Variants in COL4A4 observed in about 807,000 individuals in gnomAD.
The protein encoded by COL4A4 is collagen type IV alpha 4 chain.
Under a neutral mutation model 192.9 loss-of-function variants are expected in COL4A4, and 105 were observed. That is an observed-to-expected ratio of 0.54 (90% CI 0.46 to 0.64). COL4A4 has a LOEUF of 0.64. Among genes scored for constraint, COL4A4 ranks in the 30% least tolerant of loss-of-function variants. COL4A4 has a pLI of 0.00. For synonymous variants in COL4A4, 762 were observed against 769.9 expected (o/e 0.99, Z 0.17); for missense variants, 1,967 against 2,169.3 (o/e 0.91, Z 1.85).
chr2:227,065,304 G>T (rs1020328747), intron 25 of COL4A4, among the ~76,000 whole-genome samples: 1 of 152,260 alleles, frequency 6.6e-6, no homozygotes, highest in Non-Finnish European at 1.5e-5. Flanking sequence ...GCTGGGGGAG[G>T]GGCGCCCGCC....
At chr2:227,052,052 G>A (rs889891748) in intron 32 of COL4A4, among the ~76,000 whole-genome samples, 4 of 152,140 alleles carry the variant, frequency 2.6e-5, no homozygotes, top group South Asian at 2.1e-4. Context: ...TTAGCCAGGC[G>A]TGGTGGCATG....
chr2:227,049,759 C>T (rs1559497707), intron 34 of COL4A4, among the ~76,000 whole-genome samples: 1 of 152,206 alleles, frequency 6.6e-6, no homozygotes, highest in Non-Finnish European at 1.5e-5. Flanking sequence ...TGACATGGAT[C>T]TGTTCTCCTT....
At position 227,022,932 on chromosome 2, in the gene COL4A4, GGTTT is replaced by G. The variant is rs200731159; in HGVS notation, c.4091-763_4091-760del. ...TGGGACCCGGGTGTCAGTAGTTTTT[GGTTT>G]GTTTGTTTGTTTAACTCCCACGATG... On this transcript the variant is annotated intron_variant, in intron 43 of 47. Transcript: ENST00000396625. 6.9e-3 allele frequency among the ~76,000 whole-genome samples: 1,043 copies of G among 152,176 alleles called. 13 individuals are homozygous for G. Among genetic ancestry groups the G allele is most frequent in the African/African-American group, 0.024 (1,004 of 41,522 alleles).
intron 1 of COL4A4, among the ~76,000 whole-genome samples, chr2:227,147,893 A>G (rs1419760956): frequency 2.0e-5 from 3 of 150,962 alleles, no homozygotes; most frequent in Non-Finnish European, 4.4e-5. Flanking sequence ...TCATTTTGCT[A>G]TGTGGAATTT....
intron 43 of COL4A4, among the ~76,000 whole-genome samples, chr2:227,023,257 A>C (rs1302524020): frequency 6.6e-6 from 1 of 151,320 alleles, no homozygotes; most frequent in African/African-American, 2.4e-5. Context: ...CCTGGCCAAC[A>C]TGGTGAAACC....
downstream of COL4A4, among the ~76,000 whole-genome samples, chr2:226,999,574 T>A (rs1014243822): frequency 3.3e-5 from 5 of 152,216 alleles, no homozygotes; most frequent in Admixed American, 3.3e-4. Context: ...GAGAGAATGA[T>A]CTTAACATCT....
intron 4 of COL4A4, among the ~76,000 whole-genome samples, chr2:227,130,976 G>C (rs1452122412): frequency 6.6e-6 from 1 of 151,672 alleles, no homozygotes; most frequent in African/African-American, 2.4e-5. Context: ...CTTCCCACCT[G>C]CATGACTGCA....
intron 4 of COL4A4, among the ~76,000 whole-genome samples, chr2:227,139,824 C>G (rs2063079532): frequency 6.6e-6 from 1 of 152,126 alleles, no homozygotes; most frequent in Non-Finnish European, 1.5e-5. Flanking sequence ...TTTTTTCTAC[C>G]AACTTCAGTA....
At chr2:227,098,941 T>C in intron 18 of COL4A4, 143 bp from the exon 19 acceptor site, 1 of 690,382 alleles carries the variant, frequency 1.4e-6, no homozygotes, top group Non-Finnish European at 2.5e-6. Flanking sequence ...ACGAAATATC[T>C]TAAATGTGAA....
At chr2:227,055,677 C>T (rs191332897) in intron 30 of COL4A4, among the ~76,000 whole-genome samples, 33 of 152,172 alleles carry the variant, frequency 2.2e-4, no homozygotes, top group African/African-American at 7.7e-4. Flanking sequence ...GCACCCTTCC[C>T]GACCCTAGGA....
chr2:227,127,141 A>G (rs2062136448), intron 4 of COL4A4, among the ~76,000 whole-genome samples: 1 of 152,214 alleles, frequency 6.6e-6, no homozygotes, highest in South Asian at 2.1e-4. Flanking sequence ...CACCCAGTGG[A>G]ATGACTGGCT....
chr2:226,985,147 G>A, the COL4A4 span, among the ~76,000 whole-genome samples: 3 of 152,102 alleles, frequency 2.0e-5, no homozygotes, highest in Admixed American at 6.5e-5. Flanking sequence ...AGGAGGCTCC[G>A]GATCATTCCT....
Position 227,008,007 on chromosome 2 carries a change from A to G in COL4A4, c.4809+11T>C, listed in dbSNP as rs1185462641. 1 of 1,607,618 alleles carries G rather than the reference A, an allele frequency of 6.2e-7. No individual in the cohort carries two copies. Among genetic ancestry groups the G allele is most frequent in the Non-Finnish European group, 8.5e-7 (1 of 1,179,898 alleles). ...TGAATGAGCCAGGGTTTTCAAGGGC[A>G]CGGGACTCACCATCAGGAATGAATA... On this transcript the variant is annotated intron_variant, in intron 47 of 47. Transcript: ENST00000396625.
intron 22 of COL4A4, among the ~76,000 whole-genome samples, chr2:227,087,541 C>T (rs2059669279): frequency 6.6e-6 from 1 of 152,164 alleles, no homozygotes; most frequent in African/African-American, 2.4e-5. Flanking sequence ...TATGTCCAAA[C>T]TAACAGCCAA....
chr2:227,161,303 T>C (rs1319194878), intron 1 of COL4A4, among the ~76,000 whole-genome samples: 3 of 152,204 alleles, frequency 2.0e-5, no homozygotes, highest in African/African-American at 7.2e-5. Flanking sequence ...AAAACGGACA[T>C]GATACTGTGA....
intron 20 of COL4A4, 24 bp from the exon 21 acceptor site, chr2:227,089,981 G>A (rs780383549): frequency 1.3e-6 from 2 of 1,579,380 alleles, no homozygotes; most frequent in Non-Finnish European, 1.7e-6. Context: ...AAGGGGGTGG[G>A]CAGAGAGAAT....
chr2:227,051,102 G>A lies in COL4A4; in HGVS notation c.3025C>T (p.Pro1009Ser). ...GGTTCCCCTCTGTGAAATCCAGGTG[G>A]TCCGTATCTTCCCGGCTCTCCTCTT... is the stretch of plus-strand genomic sequence containing the variant. The part of the protein sequence containing the change: ...GRRGEPGRYG[P>S]PGFHRGEPGE... Residue 1009 changes from proline to serine, a missense_variant, in exon 33 of 48, where the codon CCA (proline) becomes TCA (serine). By Grantham distance (74) the Pro-to-Ser change is moderately conservative. Transcript: ENST00000396625. The A allele has an allele frequency of 4.3e-6, 7 of 1,614,104 alleles. No individual in the cohort carries two copies. Among genetic ancestry groups the A allele is most frequent in the Non-Finnish European group, 5.9e-6 (7 of 1,179,984 alleles).
At position 227,113,808 on chromosome 2, in the gene COL4A4, G is replaced by A. The variant is rs72969798; in HGVS notation, c.558+820C>T. On this transcript the variant is annotated intron_variant, in intron 8 of 47. Coordinates refer to ENST00000396625, the MANE Select transcript of COL4A4 (RefSeq NM_000092.5). ...CACTGCTCAGGTGTGTCCATTCTGC[G>A]TGGCACAGAACCTAGGGTCTCATAG... Among the ~76,000 whole-genome samples the A allele has an allele frequency of 4.1e-3, 630 of 152,320 alleles. 1 individual carries two copies. The highest frequency in any genetic ancestry group is 7.2e-3 in the Non-Finnish European group (492 of 68,020).
chr2:227,056,083 C>T lies in COL4A4; in HGVS notation c.2578G>A (p.Val860Met). ...APGGKGQPGDVGPPGPAGMKG... is the reference protein window; with the variant it reads ...APGGKGQPGDMGPPGPAGMKG... ...ATTCCAGCTGGCCCGGGAGGCCCCA[C>T]ATCTCCCGGCTGTCCTTTCCCACCT... Residue 860 changes from valine to methionine, a missense_variant, in exon 30 of 48, where the codon GTG (valine) becomes ATG (methionine). Physicochemically the swap from Val to Met is conservative, Grantham distance 21. Coordinates refer to ENST00000396625, the MANE Select transcript of COL4A4 (RefSeq NM_000092.5). 1.2e-6 allele frequency: 2 copies of T among 1,614,082 alleles called. No homozygotes were observed. The highest frequency in any genetic ancestry group is 2.2e-5 in the South Asian group (2 of 91,070).
Sources: allele counts gnomAD v4.1 joint callset (sites outside exome capture counted in the v4.1 genomes callset), GRCh38; gene constraint gnomAD v4.1.1; transcripts MANE v1.5; gene names NCBI Gene and HGNC (gene_info 2026-07-23, HGNC 2026-07-21).